Variants in KIF23 observed in about 807,000 individuals in gnomAD.
KIF23 encodes the protein kinesin-like protein KIF23.
Under a neutral mutation model 137.5 loss-of-function variants are expected in KIF23, and 30 were observed. That is an observed-to-expected ratio of 0.22 (90% CI 0.16 to 0.30). The LOEUF is 0.30. KIF23 is among the 10% of genes least tolerant of loss of function. The pLI is 1.00. For synonymous variants in KIF23, 367 were observed against 391.1 expected, an observed-to-expected ratio of 0.94 and a Z score of 0.73; for missense variants, 920 against 1,194.3, an observed-to-expected ratio of 0.77 and a Z score of 3.38.
intron 10 of KIF23, 176 bp downstream of exon 10, chr15:69,426,633 A>G (rs2057200339): frequency 1.6e-6 from 1 of 636,144 alleles, no homozygotes; most frequent in East Asian, 2.8e-5. Context: ...AGGCAGGAGG[A>G]TCGCTTGAAC....
At chr15:69,426,972 A>C (rs1159500559) in intron 10 of KIF23, among the ~76,000 whole-genome samples, 2 of 152,116 alleles carry the variant, frequency 1.3e-5, no homozygotes, top group Non-Finnish European at 2.9e-5. Flanking sequence ...TAAGTACTCT[A>C]AATATGATTT....
At chr15:69,445,110 T>A in intron 20 of KIF23, 69 bp downstream of exon 20, 1 of 1,424,206 alleles carries the variant, frequency 7.0e-7, no homozygotes, top group Non-Finnish European at 9.5e-7. Context: ...TTTGTCCTGC[T>A]ACTCCTTTGG....
intron 15 of KIF23, 56 bp downstream of exon 15, chr15:69,436,778 A>AGAGTGAAAC: frequency 8.6e-7 from 1 of 1,163,192 alleles, no homozygotes; most frequent in Non-Finnish European, 1.2e-6. Flanking sequence ...TTTTTGAGAC[A>AGAGTGAAAC]TAGTTTCACT....
chr15:69,421,776 T>A (rs751304465), intron 4 of KIF23, 24 bp downstream of exon 4: 6 of 1,524,508 alleles, frequency 3.9e-6, no homozygotes, highest in Non-Finnish European at 1.8e-6. Flanking sequence ...CTTGGAGTTT[T>A]GTTAGATTTT....
At position 69,429,143 on chromosome 15, in the gene KIF23, C is replaced by A. The variant is rs747148869; in HGVS notation, c.1044C>A (p.Ser348=). 6.2e-7 allele frequency: 1 copy of A among 1,613,250 alleles called. No individual in the cohort carries two copies. The highest frequency in any genetic ancestry group is 2.2e-5 in the East Asian group (1 of 44,848). Residue 348 remains serine (S), a synonymous_variant, in exon 11 of 24, where the codon TCC becomes TCA. Transcript: ENST00000679126. ...EKEQITISQL[S]LVDLAGSERT... is the part of the protein sequence containing the mutation. ...AACAAATCACTATAAGTCAGTTGTC[C>A]TTGGTAGATCTTGCTGGAAGTGAAA... is the stretch of plus-strand genomic sequence containing the variant.
rs1057504969 is a variant in KIF23, at chr15:69,414,417, C to T, written c.-49C>T. The T allele has an allele frequency of 1.3e-6, 2 of 1,570,150 alleles. No individual in the cohort carries two copies. The highest frequency in any genetic ancestry group is 2.7e-5 in the African/African-American group (2 of 73,994). ...CGGTCCTAACGTCCCGCAGTCTTCG[C>T]CAGCCAGCCGTCCCGCATGCGCGTT... On this transcript the variant is annotated 5_prime_UTR_variant, in exon 1 of 24. Coordinates refer to ENST00000679126, the MANE Select transcript of KIF23 (RefSeq NM_001367805.3).
intron 3 of KIF23, among the ~76,000 whole-genome samples, chr15:69,420,304 G>A (rs1252715437): frequency 2.1e-4 from 32 of 151,942 alleles, no homozygotes; most frequent in Non-Finnish European, 1.5e-5. Context: ...CACTGATGAT[G>A]GCTTTGATAC....
At chr15:69,427,986 C>T (rs2057247103) in intron 10 of KIF23, among the ~76,000 whole-genome samples, 1 of 152,176 alleles carries the variant, frequency 6.6e-6, no homozygotes, top group Admixed American at 6.5e-5. Flanking sequence ...GGGCCAGGCG[C>T]AGTGACTCAC....
chr15:69,447,735 T>A, intron 23 of KIF23, 57 bp from the exon 24 acceptor site: 1 of 1,557,008 alleles, frequency 6.4e-7, no homozygotes, highest in Non-Finnish European at 8.8e-7. Context: ...ATTGATTTGC[T>A]ATGAATGTGT....
intron 14 of KIF23, 150 bp from the exon 15 acceptor site, chr15:69,436,414 G>T: frequency 8.2e-7 from 1 of 1,219,174 alleles, no homozygotes; most frequent in Non-Finnish European, 1.1e-6. Flanking sequence ...AGCTTATTTT[G>T]CATACTATGA....
chr15:69,434,451 G>C, intron 11 of KIF23: 2 of 490,110 alleles, frequency 4.1e-6, no homozygotes, highest in South Asian at 2.8e-5. Context: ...CCTGAAACTT[G>C]TTAAGAGATG....
chr15:69,418,153 A>G (rs1759615656), intron 3 of KIF23, among the ~76,000 whole-genome samples: 1 of 152,148 alleles, frequency 6.6e-6, no homozygotes, highest in African/African-American at 2.4e-5. Flanking sequence ...TCTAGCTGTC[A>G]CTCACTCTTT....
chr15:69,444,591 A>G lies in KIF23; in HGVS notation c.2422-199A>G. ...TTTATTGAAAGGGAAACTCCCAGAT[A>G]GAATGTGTAACATACAAGTTGGTGT... On this transcript the variant is annotated intron_variant, in intron 19 of 23. Transcript: ENST00000679126. The surrounding 1 kb of genome is among the most constrained non-coding windows in gnomAD (Gnocchi z 4.2). The G allele has an allele frequency of 1.8e-6, 1 of 561,556 alleles. No homozygotes were observed. Among genetic ancestry groups the G allele is most frequent in the South Asian group, 2.5e-5 (1 of 39,394 alleles). 34.8% of individuals were successfully genotyped at this position (561,556 alleles called of 1,614,324 possible). A position where few individuals can be genotyped will look rare whatever the true frequency, so the allele number is the denominator to read the frequency against.
At chr15:69,426,920 A>G (rs1352448667) in intron 10 of KIF23, among the ~76,000 whole-genome samples, 3 of 152,188 alleles carry the variant, frequency 2.0e-5, no homozygotes, top group Admixed American at 6.5e-5. Context: ...ACAATACAGT[A>G]TAACAACTTG....
rs1374649854 is a variant in KIF23 at position 69,436,250 on chromosome 15, C to T, written c.1427C>T (p.Pro476Leu). The T allele has an allele frequency of 1.9e-6, 3 of 1,613,626 alleles. No individual in the cohort carries two copies. The highest frequency in any genetic ancestry group is 2.5e-6 in the Non-Finnish European group (3 of 1,179,890). Residue 476 changes from proline (P) to leucine (L), a missense_variant, in exon 14 of 24, where the codon CCA (proline) becomes CTA (leucine). Pro to Leu is a moderately conservative substitution (Grantham distance 98). Coordinates refer to ENST00000679126, the MANE Select transcript of KIF23 (RefSeq NM_001367805.3). ...AGATACAGAAACCAGCCTCGAGGTCCAGTTGGAAATGGTATGATTTGGTGT... is the reference window on the plus strand; with the variant it reads ...AGATACAGAAACCAGCCTCGAGGTCTAGTTGGAAATGGTATGATTTGGTGT... ...GRRYRNQPRG[P>L]VGNEPLVTDV...
chr15:69,443,326 GTTTTTTTTTT>G (rs10538305), intron 19 of KIF23, among the ~76,000 whole-genome samples: 10 of 58,586 alleles, frequency 1.7e-4, no homozygotes, highest in South Asian at 7.4e-4. Flanking sequence ...TGTTTTTTGG[GTTTTTTTTTT>G]TTTTTTTTTT....
At chr15:69,426,313 C>T (rs1469913598) in intron 9 of KIF23, 23 bp from the exon 10 acceptor site, 2 of 1,612,602 alleles carry the variant, frequency 1.2e-6, no homozygotes, top group Admixed American at 3.4e-5. Context: ...CAGGTTTGAC[C>T]AATGATTTCT....
intron 18 of KIF23, 58 bp downstream of exon 18, chr15:69,440,545 A>T (rs1216859529): frequency 6.9e-7 from 1 of 1,445,908 alleles, no homozygotes. Context: ...TTCAGATTAG[A>T]TGACTATTTC....
intron 11 of KIF23, chr15:69,434,794 C>G: frequency 9.6e-7 from 1 of 1,043,842 alleles, no homozygotes; most frequent in East Asian, 2.5e-5. Context: ...CAAGGCAGCC[C>G]CTTCTTCTTG....
Sources: gnomAD v4.1 joint callset for allele counts (sites outside exome capture counted in the v4.1 genomes callset) on GRCh38, gnomAD v4.1.1 for gene constraint, Gnocchi (gnomAD v3.1) non-coding constraint, MANE v1.5 for transcripts, NCBI Gene and HGNC (gene_info 2026-07-23, HGNC 2026-07-21) for gene names.